The following ABCD3 variants were observed in gnomAD, a reference collection of about 807,000 sequenced individuals.
ABCD3 encodes the protein ATP binding cassette subfamily D member 3, also known as ATP-binding cassette sub-family D member 3.
A neutral mutation model predicts 105.5 loss-of-function variants in ABCD3; 41 were observed. The ratio of observed to expected loss-of-function variants is 0.39; its 90% CI spans 0.30 to 0.50. ABCD3 has a LOEUF of 0.50. Ranked by LOEUF, ABCD3 falls within the 20% of genes least tolerant of loss-of-function variation. The probability of loss-of-function intolerance (pLI) is 0.84; values close to 1 mark genes in which losing one functional copy is unlikely to be tolerated. For synonymous variants in ABCD3, 258 were observed against 269.0 expected (o/e 0.96, Z 0.40); for missense variants, 622 against 806.3 (o/e 0.77, Z 2.77).
chr1:94,449,219 G>A (rs192620807), intron 1 of ABCD3, among the ~76,000 whole-genome samples: 1 of 152,194 alleles, frequency 6.6e-6, no homozygotes, highest in African/African-American at 2.4e-5. Flanking sequence ...CGAGGACCCC[G>A]TAGTTGCAGC....
At chr1:94,455,985 A>T (rs1164796247) in intron 1 of ABCD3, among the ~76,000 whole-genome samples, 1 of 152,086 alleles carries the variant, frequency 6.6e-6, no homozygotes, top group Non-Finnish European at 1.5e-5. Flanking sequence ...AATGATTACT[A>T]TTATCAAGCT....
intron 9 of ABCD3, among the ~76,000 whole-genome samples, chr1:94,481,300 T>C (rs1649017396): frequency 6.6e-6 from 1 of 152,218 alleles, no homozygotes; most frequent in Non-Finnish European, 1.5e-5. Flanking sequence ...GGTTCTAATA[T>C]GTATTTAATA....
intron 1 of ABCD3, among the ~76,000 whole-genome samples, chr1:94,425,400 T>C (rs994450748): frequency 2.6e-5 from 4 of 152,226 alleles, no homozygotes; most frequent in African/African-American, 7.2e-5. Flanking sequence ...TACGTAAATA[T>C]TCCTCTGTGT....
chr1:94,463,642 C>CAA (rs1647989302), intron 2 of ABCD3, among the ~76,000 whole-genome samples: 1 of 152,034 alleles, frequency 6.6e-6, no homozygotes, highest in Non-Finnish European at 1.5e-5. Flanking sequence ...AAGAAGTTTC[C>CAA]CCTGTCCTTC....
At chr1:94,439,906 G>C (rs1660071616) in intron 1 of ABCD3, among the ~76,000 whole-genome samples, 1 of 152,108 alleles carries the variant, frequency 6.6e-6, no homozygotes. Flanking sequence ...TCCCCAGGTT[G>C]GAATGCAGTG....
intron 1 of ABCD3, among the ~76,000 whole-genome samples, chr1:94,456,659 T>C (rs764717456): frequency 6.6e-6 from 1 of 152,008 alleles, no homozygotes; most frequent in Non-Finnish European, 1.5e-5. Flanking sequence ...CGATGGACAT[T>C]TAGGTTGATT....
At chr1:94,418,351 G>T, upstream of ABCD3, 1 of 711,000 alleles carries the variant, frequency 1.4e-6, no homozygotes, top group South Asian at 2.0e-5. Flanking sequence ...CGAGCCAGGG[G>T]GCGGTCCTGC....
Position 94,418,462 on chromosome 1 carries a change from C to T in ABCD3, c.-17C>T. ...GCCGCCGCGTCCCCTCGCCGGCTCG[C>T]TGGTACCGGCAGTGCCATGGCGGCC... On this transcript the variant is annotated 5_prime_UTR_variant, in exon 1 of 23. Coordinates refer to ENST00000370214, the MANE Select transcript of ABCD3 (RefSeq NM_002858.4). 4 of 1,586,796 alleles carry T rather than the reference C, an allele frequency of 2.5e-6. No homozygotes were observed. Among genetic ancestry groups the T allele is most frequent in the Non-Finnish European group, 2.6e-6 (3 of 1,171,468 alleles).
At chr1:94,477,100 T>A (rs1648782462) in intron 7 of ABCD3, among the ~76,000 whole-genome samples, 1 of 151,936 alleles carries the variant, frequency 6.6e-6, no homozygotes, top group Admixed American at 6.6e-5. Context: ...TGTACACCAG[T>A]GTGTAAGTTA....
chr1:94,488,833 C>CTG (rs1649395045), intron 13 of ABCD3, among the ~76,000 whole-genome samples: 1 of 151,090 alleles, frequency 6.6e-6, no homozygotes, highest in South Asian at 2.1e-4. Flanking sequence ...CTCTCTCTCT[C>CTG]TCGCTCTCTT....
chr1:94,494,195 G>GGCAA (rs1332346680), intron 16 of ABCD3, among the ~76,000 whole-genome samples: 37 of 152,194 alleles, frequency 2.4e-4, no homozygotes, highest in African/African-American at 8.9e-4. Context: ...GTTGAAAAGT[G>GGCAA]ACAAAGGGAA....
At chr1:94,445,387 G>A (rs1282851014) in intron 1 of ABCD3, among the ~76,000 whole-genome samples, 3 of 152,170 alleles carry the variant, frequency 2.0e-5, no homozygotes, top group Admixed American at 6.5e-5. Context: ...GAGGACACCC[G>A]GGTACTCTAA....
chr1:94,398,496 C>T, the ABCD3 span, among the ~76,000 whole-genome samples: 1 of 152,224 alleles, frequency 6.6e-6, no homozygotes, highest in African/African-American at 2.4e-5. Flanking sequence ...AGTAAAAACA[C>T]TGTTTTCCAA....
chr1:94,414,185 A>G (rs998775741), upstream of ABCD3, among the ~76,000 whole-genome samples: 7 of 152,168 alleles, frequency 4.6e-5, no homozygotes, highest in African/African-American at 1.7e-4. Context: ...AGGCTATTGC[A>G]GTTTATCTTG....
intron 4 of ABCD3, chr1:94,472,239 A>C: frequency 1.0e-6 from 1 of 980,102 alleles, no homozygotes; most frequent in Non-Finnish European, 1.2e-6. Context: ...CTGCTACTCC[A>C]ATGGTAAACC....
At chr1:94,421,561 G>GGTGTGTGTGT (rs1553167233) in intron 1 of ABCD3, among the ~76,000 whole-genome samples, 1 of 76,410 alleles carries the variant, frequency 1.3e-5, no homozygotes, top group Admixed American at 1.9e-4. Context: ...GGAGCTATAA[G>GGTGTGTGTGT]ATGTGTGTGT....
the ABCD3 span, among the ~76,000 whole-genome samples, chr1:94,404,270 T>C: frequency 6.6e-6 from 1 of 152,194 alleles, no homozygotes; most frequent in African/African-American, 2.4e-5. Context: ...ACTTTGCCCA[T>C]AATACTAGAA....
chr1:94,490,774 A>C (rs1420567130), intron 15 of ABCD3, among the ~76,000 whole-genome samples: 1 of 152,056 alleles, frequency 6.6e-6, no homozygotes, highest in East Asian at 1.9e-4. Flanking sequence ...TTTCCTTTGG[A>C]AATGTTCCCA....
intron 2 of ABCD3, 74 bp from the exon 3 acceptor site, chr1:94,464,701 A>G (rs189294075): frequency 7.6e-7 from 1 of 1,313,962 alleles, no homozygotes; most frequent in East Asian, 2.3e-5. Flanking sequence ...GTTGACTTAG[A>G]TGAAACATGG....
Sources: allele counts gnomAD v4.1 joint callset (sites outside exome capture counted in the v4.1 genomes callset), GRCh38; gene constraint gnomAD v4.1.1; transcripts MANE v1.5; gene names NCBI Gene and HGNC (gene_info 2026-07-23, HGNC 2026-07-21).